The following CHRM3 variants were observed in gnomAD, a reference collection of about 807,000 sequenced individuals.
The protein encoded by CHRM3 is cholinergic receptor muscarinic 3.
CHRM3 carries 11 observed loss-of-function variants against 41.8 expected under a neutral mutation model. The ratio of observed to expected loss-of-function variants is 0.26; its 90% CI spans 0.17 to 0.44. CHRM3 has a LOEUF of 0.44. CHRM3 is among the 20% of genes least tolerant of loss of function. The pLI, the probability that CHRM3 is intolerant of heterozygous loss-of-function variation, is 1.00. For synonymous variants in CHRM3, 297 were observed against 301.4 expected (o/e 0.99, Z 0.15); for missense variants, 571 against 745.4 (o/e 0.77, Z 2.72).
At chr1:239,677,033 C>T (rs1307660534) in intron 4 of CHRM3, among the ~76,000 whole-genome samples, 6 of 152,146 alleles carry the variant, frequency 3.9e-5, no homozygotes, top group Non-Finnish European at 8.8e-5. Context: ...TCTCCTCCCT[C>T]CCCATCCCAT....
chr1:239,629,928 G>C (rs537494663), intron 3 of CHRM3, among the ~76,000 whole-genome samples: 2 of 152,246 alleles, frequency 1.3e-5, no homozygotes, highest in South Asian at 2.1e-4. Flanking sequence ...CATGTTTACT[G>C]GGTTTTGGAG....
chr1:239,612,414 G>A (rs1317180300), intron 3 of CHRM3, among the ~76,000 whole-genome samples: 1 of 152,108 alleles, frequency 6.6e-6, no homozygotes, highest in South Asian at 2.1e-4. Context: ...GTTTTGCAAA[G>A]GGTTCTTTAC....
chr1:239,603,321 T>C (rs1665840302), intron 3 of CHRM3, among the ~76,000 whole-genome samples: 1 of 152,168 alleles, frequency 6.6e-6, no homozygotes. Context: ...AATAGGTAGA[T>C]AAAGCAAGAA....
chr1:239,575,090 T>A (rs1182040764), intron 3 of CHRM3, among the ~76,000 whole-genome samples: 1 of 152,192 alleles, frequency 6.6e-6, no homozygotes, highest in East Asian at 1.9e-4. Flanking sequence ...AAACTTTAAA[T>A]CTCATACATC....
chr1:239,770,579 T>A (rs1271473999), intron 5 of CHRM3, among the ~76,000 whole-genome samples: 3 of 152,056 alleles, frequency 2.0e-5, no homozygotes, highest in East Asian at 3.9e-4. Flanking sequence ...TAGTCTGCAG[T>A]TATGGGGAAT....
chr1:239,671,275 TTC>T (rs745824018), intron 4 of CHRM3, among the ~76,000 whole-genome samples: 20 of 152,092 alleles, frequency 1.3e-4, no homozygotes, highest in Non-Finnish European at 1.9e-4. Context: ...TTCCAGAAAT[TTC>T]TTCAAAATAA....
At chr1:239,600,281 A>G (rs1261978872) in intron 3 of CHRM3, among the ~76,000 whole-genome samples, 2 of 151,856 alleles carry the variant, frequency 1.3e-5, no homozygotes, top group Non-Finnish European at 2.9e-5. Flanking sequence ...GGCCATCCCA[A>G]TGCATTCTCT....
intron 6 of CHRM3, among the ~76,000 whole-genome samples, chr1:239,874,285 G>GTATGTATATATATATATA (rs1676853167): frequency 2.4e-5 from 2 of 83,298 alleles, no homozygotes; most frequent in African/African-American, 1.2e-4. Flanking sequence ...TATATACACA[G>GTATGTATATATATATATA]TATATATATA....
intron 1 of CHRM3, among the ~76,000 whole-genome samples, chr1:239,472,272 C>T (rs1464063306): frequency 6.6e-6 from 1 of 152,104 alleles, no homozygotes; most frequent in Non-Finnish European, 1.5e-5. Context: ...AGTTTTCTAT[C>T]ATGTATCTTA....
chr1:239,852,937 CTT>C (rs1480933180), intron 6 of CHRM3, among the ~76,000 whole-genome samples: 3 of 152,032 alleles, frequency 2.0e-5, no homozygotes, highest in African/African-American at 4.8e-5. Flanking sequence ...CTAAATCTCT[CTT>C]ATAAAAAGTT....
chr1:239,649,664 C>A (rs963480942), intron 4 of CHRM3, among the ~76,000 whole-genome samples: 1 of 151,920 alleles, frequency 6.6e-6, no homozygotes, highest in African/African-American at 2.4e-5. Context: ...TGGAGGTAAC[C>A]CAGGAAGGAA....
At chr1:239,777,362 A>C (rs1668172193) in intron 5 of CHRM3, among the ~76,000 whole-genome samples, 1 of 152,230 alleles carries the variant, frequency 6.6e-6, no homozygotes, top group African/African-American at 2.4e-5. Context: ...GTGATTGAAA[A>C]CATAGATTGC....
At chr1:239,395,130 C>T (rs532757065) in intron 1 of CHRM3, among the ~76,000 whole-genome samples, 1 of 152,258 alleles carries the variant, frequency 6.6e-6, no homozygotes, top group African/African-American at 2.4e-5. Flanking sequence ...TAGCTCTCTT[C>T]TCTCCTCTGG....
intron 5 of CHRM3, among the ~76,000 whole-genome samples, chr1:239,762,265 T>C (rs887585218): frequency 7.9e-5 from 12 of 152,198 alleles, no homozygotes; most frequent in African/African-American, 2.7e-4. Flanking sequence ...AGAGAATTGA[T>C]TGTGACTTCA....
Position 239,913,592 on chromosome 1 carries a change from G to A in CHRM3, c.*4368G>A, listed in dbSNP as rs982094801. ...GAGTCAACATTGCAGACCTGAGAAA[G>A]GTTTCTAGAATGGTAACCCAATGTT... On this transcript the variant is annotated 3_prime_UTR_variant, in exon 7 of 7. Coordinates refer to ENST00000676153, the MANE Select transcript of CHRM3 (RefSeq NM_001375978.1). The A allele has an allele frequency of 6.0e-6, 1 of 167,004 alleles. No individual in the cohort carries two copies. The highest frequency in any genetic ancestry group is 1.5e-5 in the Non-Finnish European group (1 of 68,126). 10.3% of individuals were successfully genotyped at this position (167,004 alleles called of 1,614,324 possible). A position where few individuals can be genotyped will look rare whatever the true frequency, so the allele number is the denominator to read the frequency against.
At chr1:239,522,946 T>A (rs188519218) in intron 2 of CHRM3, among the ~76,000 whole-genome samples, 141 of 152,230 alleles carry the variant, frequency 9.3e-4, no homozygotes, top group African/African-American at 3.3e-3. Context: ...TTATGAACCA[T>A]GAGCCCAGGG....
At position 239,912,864 on chromosome 1, in the gene CHRM3, G is replaced by A. The variant is rs1331639503; in HGVS notation, c.*3640G>A. The A allele has an allele frequency of 1.2e-5, 2 of 167,082 alleles. No homozygotes were observed. Among genetic ancestry groups the A allele is most frequent in the African/African-American group, 4.8e-5 (2 of 41,450 alleles). 10.3% of individuals were successfully genotyped at this position (167,082 alleles called of 1,614,324 possible). The stretch of plus-strand genomic sequence containing the variant: ...GTCAAAGAAGCAATGAATTTAGGAT[G>A]AGGAACCTGAAGTTTCTGGACCAGT... On this transcript the variant is annotated 3_prime_UTR_variant, in exon 7 of 7. Coordinates refer to ENST00000676153, the MANE Select transcript of CHRM3 (RefSeq NM_001375978.1).
intron 1 of CHRM3, among the ~76,000 whole-genome samples, chr1:239,477,362 T>G (rs1018995729): frequency 2.0e-5 from 3 of 152,092 alleles, no homozygotes; most frequent in Non-Finnish European, 4.4e-5. Flanking sequence ...ATTTAGAAAA[T>G]TATAGAAGAA....
At chr1:239,408,386 T>C (rs555128115) in intron 1 of CHRM3, 1 of 152,082 alleles carries the variant, frequency 6.6e-6, no homozygotes, top group East Asian at 1.9e-4. Flanking sequence ...TAGCCGGGCA[T>C]GGTGGCGGGC....
Sources: allele counts gnomAD v4.1 joint callset (sites outside exome capture counted in the v4.1 genomes callset), GRCh38; gene constraint gnomAD v4.1.1; transcripts MANE v1.5; gene names NCBI Gene and HGNC (gene_info 2026-07-23, HGNC 2026-07-21).